Variants in HK1 observed in about 807,000 individuals in gnomAD.
HK1 encodes the protein hexokinase-1.
Under a neutral mutation model 91.6 loss-of-function variants are expected in HK1, and 28 were observed. The ratio of observed to expected loss-of-function variants is 0.31; its 90% CI spans 0.23 to 0.42. HK1 has a LOEUF of 0.42. Among genes scored for constraint, HK1 ranks in the 10% least tolerant of loss-of-function variants. The pLI, the probability that HK1 is intolerant of heterozygous loss-of-function variation, is 1.00. For missense variants in HK1, 770 were observed against 1,219.8 expected, an observed-to-expected ratio of 0.63 and a Z score of 5.49; for synonymous variants, 430 against 468.1, an observed-to-expected ratio of 0.92 and a Z score of 1.05.
chr10:69,367,179 G>C (rs1184204469), intron 4 of HK1, among the ~76,000 whole-genome samples: 1 of 152,074 alleles, frequency 6.6e-6, no homozygotes, highest in Non-Finnish European at 1.5e-5. Context: ...AGCCAGAGGT[G>C]GGGGGTGTCC....
intron 3 of HK1, chr10:69,292,267 C>A (rs1355656784): frequency 1.3e-5 from 5 of 389,096 alleles, no homozygotes; most frequent in South Asian, 9.4e-5. Flanking sequence ...GAGACAGGGT[C>A]TTGCTATGTT....
upstream of HK1, among the ~76,000 whole-genome samples, chr10:69,312,721 G>A (rs1292335782): frequency 2.0e-5 from 3 of 152,162 alleles, no homozygotes; most frequent in South Asian, 4.1e-4. Flanking sequence ...TCTAGGGGTG[G>A]TGACATTCTT....
chr10:69,398,568 C>G (rs1309042146), intron 16 of HK1, 27 bp from the exon 17 acceptor site: 1 of 1,590,778 alleles, frequency 6.3e-7, no homozygotes, highest in Non-Finnish European at 8.6e-7. Flanking sequence ...CTGCTTCATC[C>G]AGCCCTCTGG....
chr10:69,389,453 GCAGCAGAGTCTCTGGC>G, intron 14 of HK1, 157 bp downstream of exon 14: 2 of 588,182 alleles, frequency 3.4e-6, no homozygotes, highest in South Asian at 1.6e-5. Flanking sequence ...CTGGACGAAG[GCAGCAGAGTCTCTGGC>G]GGGGGGAGGT....
In HK1 at chr10:69,379,999, T is replaced by A. The variant is rs777549687; in HGVS notation, c.1169T>A (p.Leu390Gln). 2.5e-6 allele frequency: 4 copies of A among 1,614,174 alleles called. No homozygotes were observed. The South Asian group carries it at 4.4e-5, about 18-fold the overall frequency. ...TCAGCCAACTTGGTGGCTGCCACAC[T>A]GGGCGCCATCTTGAACCGCCTGCGT... ...FRSANLVAAT[L>Q]GAILNRLRDN... The change falls in exon 9 of 18, where the codon CTG becomes CAG. Residue 390 changes from leucine (L) to glutamine (Q), a missense_variant. Leu to Gln is a moderately radical substitution (Grantham distance 113). Around this residue, in one of 7 missense-constraint regions of HK1, gnomAD observed 449 missense variants for 665.1 expected, o/e 0.68. Transcript: ENST00000359426.
intron 5 of HK1, chr10:69,300,971 A>C: frequency 1.6e-6 from 1 of 636,770 alleles, no homozygotes. Context: ...GTAGCCAGGC[A>C]CGGTGGCTCA....
chr10:69,330,753 C>T lies in HK1; in HGVS notation c.63+11743C>T, dbSNP rs1243610643. On this transcript the variant is annotated intron_variant, in intron 1 of 17. Transcript: ENST00000359426. Reference sequence around the variant, plus strand: ...CACAGAGAAGAACAAACAGGGCCTGCCAAGTTCTCTTCAGTTTATCACTAT... The same window carrying T: ...CACAGAGAAGAACAAACAGGGCCTGTCAAGTTCTCTTCAGTTTATCACTAT... Among the ~76,000 whole-genome samples the T allele has an allele frequency of 2.0e-5, 3 of 152,138 alleles. No homozygotes were observed. In the East Asian group the frequency reaches 5.8e-4, roughly 29 times the overall value.
rs141658307 is a variant in HK1 at position 69,375,901 on chromosome 10, T to C, written c.876-1033T>C. On this transcript the variant is annotated intron_variant, in intron 7 of 17. Transcript: ENST00000359426. ...ACCTGGCTGCCTCTCCCCTGCAGCATTGGGCTCATTCTGTCATTGGTCGGT... is the reference window on the plus strand; with the variant it reads ...ACCTGGCTGCCTCTCCCCTGCAGCACTGGGCTCATTCTGTCATTGGTCGGT... Among the ~76,000 whole-genome samples the C allele has an allele frequency of 1.8e-3, 272 of 152,336 alleles. 1 individual carries two copies. The highest frequency in any genetic ancestry group is 6.0e-3 in the African/African-American group (250 of 41,586).
chr10:69,348,451 G>A (rs11596199), intron 2 of HK1, among the ~76,000 whole-genome samples: 4,762 of 152,310 alleles, frequency 0.031, 125 homozygotes, highest in African/African-American at 0.06. Context: ...AGTTGAAGGC[G>A]TGGAGTTCCC....
chr10:69,368,468 A>G (rs543999268), intron 4 of HK1, 68 bp from the exon 5 acceptor site: 1 of 1,356,428 alleles, frequency 7.4e-7, no homozygotes, highest in South Asian at 1.2e-5. Flanking sequence ...TCCTGGAGCA[A>G]TGCCCAGGGC....
intron 11 of HK1, 128 bp from the exon 12 acceptor site, chr10:69,384,668 G>A (rs1327125297): frequency 6.2e-6 from 9 of 1,442,986 alleles, no homozygotes; most frequent in Non-Finnish European, 8.8e-6. Flanking sequence ...TCTGGAAAAG[G>A]AGGCTCACTC....
chr10:69,390,671 TGTGCCCTCCC>T (rs915623990), intron 14 of HK1, among the ~76,000 whole-genome samples: 12 of 152,218 alleles, frequency 7.9e-5, no homozygotes, highest in Non-Finnish European at 1.3e-4. Context: ...GGGTGTGTCT[TGTGCCCTCCC>T]GATGAAAGTT....
chr10:69,378,223 C>A (rs997333972), intron 8 of HK1, among the ~76,000 whole-genome samples: 1 of 151,866 alleles, frequency 6.6e-6, no homozygotes, highest in African/African-American at 2.4e-5. Flanking sequence ...TCCTCTTGGC[C>A]TGTTTCTGGT....
At chr10:69,286,864 G>T (rs1323554981) in intron 2 of HK1, among the ~76,000 whole-genome samples, 2 of 152,104 alleles carry the variant, frequency 1.3e-5, no homozygotes, top group African/African-American at 4.8e-5. Context: ...CTCATGCTTT[G>T]CTTTGAACTA....
At chr10:69,360,465 G>T (rs1849363210) in intron 3 of HK1, among the ~76,000 whole-genome samples, 1 of 152,230 alleles carries the variant, frequency 6.6e-6, no homozygotes, top group South Asian at 2.1e-4. Flanking sequence ...GCCTTGTAGG[G>T]TATGGCTGTG....
chr10:69,348,631 C>T lies in HK1; in HGVS notation c.226+4642C>T, dbSNP rs532133973. ...TTGGAGACCGGCCTAGCCAATATGGCGAAACCCCGTCTCTACTAAAAATAC... is the reference window on the plus strand; with the variant it reads ...TTGGAGACCGGCCTAGCCAATATGGTGAAACCCCGTCTCTACTAAAAATAC... On this transcript the variant is annotated intron_variant, in intron 2 of 17. Coordinates refer to ENST00000359426, the MANE Select transcript of HK1 (RefSeq NM_000188.3). Among the ~76,000 whole-genome samples, 13 of 152,224 alleles carry T rather than the reference C, an allele frequency of 8.5e-5. No homozygotes were observed. In the South Asian group the frequency reaches 1.7e-3, roughly 19 times the overall value.
At chr10:69,304,551 G>A (rs1043374739) in intron 5 of HK1, among the ~76,000 whole-genome samples, 40 of 152,086 alleles carry the variant, frequency 2.6e-4, no homozygotes, top group Admixed American at 2.6e-3. Context: ...CAAGTGATCC[G>A]CTCGCCTTGG....
upstream of HK1, among the ~76,000 whole-genome samples, chr10:69,312,788 G>C (rs1423031014): frequency 1.3e-5 from 2 of 152,164 alleles, no homozygotes; most frequent in African/African-American, 4.8e-5. Flanking sequence ...GGAAAAAATT[G>C]TTCCCCCAGG....
At chr10:69,363,712 G>C (rs1849554651) in intron 3 of HK1, among the ~76,000 whole-genome samples, 1 of 152,156 alleles carries the variant, frequency 6.6e-6, no homozygotes, top group Non-Finnish European at 1.5e-5. Flanking sequence ...GGAATTATTA[G>C]AGAGATCCAA....
Sources: gnomAD v4.1 joint callset for allele counts (sites outside exome capture counted in the v4.1 genomes callset) on GRCh38, gnomAD v4.1.1 for gene constraint, gnomAD v4.1.1 regional missense constraint, MANE v1.5 for transcripts, NCBI Gene and HGNC (gene_info 2026-07-23, HGNC 2026-07-21) for gene names.